NTM: variants seen among roughly 807,000 people sequenced by gnomAD.
NTM encodes the protein IgLON family member 2.
A neutral mutation model predicts 42.1 loss-of-function variants in NTM; 13 were observed. The observed-to-expected ratio is 0.31, with a 90% confidence interval of 0.20 to 0.49. The LOEUF (loss-of-function observed/expected upper bound fraction) is 0.49, where lower values mean the gene tolerates loss of function less well. NTM is among the 20% of genes least tolerant of loss of function. The probability of loss-of-function intolerance (pLI) is 0.99; values close to 1 mark genes in which losing one functional copy is unlikely to be tolerated. For synonymous variants in NTM, 187 were observed against 179.2 expected (o/e 1.04, Z -0.35); for missense variants, 373 against 452.8 (o/e 0.82, Z 1.60).
At chr11:132,310,307 A>G (rs995839518) in intron 6 of NTM, 75 bp downstream of exon 6, 31 of 1,431,674 alleles carry the variant, frequency 2.2e-5, no homozygotes, top group Non-Finnish European at 2.4e-5. Flanking sequence ...CTGATTCCAC[A>G]TTGTTGCAAA....
At chr11:132,266,707 A>G (rs970377428) in intron 4 of NTM, among the ~76,000 whole-genome samples, 2 of 152,132 alleles carry the variant, frequency 1.3e-5, no homozygotes, top group Non-Finnish European at 2.9e-5. Context: ...TGAAGTTTTG[A>G]TTTTTGTTGA....
intron 3 of NTM, among the ~76,000 whole-genome samples, chr11:132,162,221 G>A (rs998987020): frequency 5.3e-5 from 8 of 151,542 alleles, no homozygotes; most frequent in African/African-American, 1.5e-4. Flanking sequence ...GTATGTGTTT[G>A]TGTGTTTATG....
chr11:131,969,905 G>A (rs972234106), intron 2 of NTM, among the ~76,000 whole-genome samples: 2 of 152,162 alleles, frequency 1.3e-5, no homozygotes, highest in Non-Finnish European at 2.9e-5. Flanking sequence ...CAGCCTTGAC[G>A]TCCTGACTCA....
chr11:131,762,278 A>G (rs928627960), intron 1 of NTM, among the ~76,000 whole-genome samples: 2 of 152,194 alleles, frequency 1.3e-5, no homozygotes, highest in Admixed American at 6.5e-5. Context: ...AAAAGTTCCT[A>G]TGGTCCCAGG....
Position 132,325,441 on chromosome 11 carries a change from G to T in NTM, c.935-4712G>T, listed in dbSNP as rs1008189840. ...ATGCTCACCATCACTGGCCATCAGA[G>T]AAATGCAAATCAAAACCACAGTGAG... On this transcript the variant is annotated intron_variant, in intron 7 of 8. Coordinates refer to ENST00000683400, the MANE Select transcript of NTM (RefSeq NM_001352005.2). Among the ~76,000 whole-genome samples, 47 of 152,316 alleles carry T rather than the reference G, an allele frequency of 3.1e-4. 1 individual carries two copies. The highest frequency in any genetic ancestry group is 2.7e-3 in the East Asian group (14 of 5,188).
chr11:132,131,255 T>C (rs1311203594), intron 2 of NTM, among the ~76,000 whole-genome samples: 1 of 152,078 alleles, frequency 6.6e-6, no homozygotes, highest in Non-Finnish European at 1.5e-5. Context: ...GAGGTGCCAG[T>C]GTTGGGGCTG....
At chr11:131,481,102 T>C (rs1953532309) in intron 1 of NTM, among the ~76,000 whole-genome samples, 1 of 152,180 alleles carries the variant, frequency 6.6e-6, no homozygotes, top group Non-Finnish European at 1.5e-5. Context: ...GACATCGATA[T>C]AGAGAATTTG....
intron 1 of NTM, among the ~76,000 whole-genome samples, chr11:131,746,858 C>A (rs1278586474): frequency 6.6e-6 from 1 of 152,074 alleles, no homozygotes; most frequent in Non-Finnish European, 1.5e-5. Context: ...GTCAGTGATA[C>A]CGAAAAGAAT....
chr11:131,640,001 A>T (rs902695944), intron 1 of NTM, among the ~76,000 whole-genome samples: 3 of 136,530 alleles, frequency 2.2e-5, no homozygotes, highest in Admixed American at 1.4e-4. Context: ...ATAAATAAAT[A>T]AAAAAAAAGT....
At position 132,002,386 on chromosome 11, in the gene NTM, C is replaced by G. The variant is rs188520117; in HGVS notation, c.167+90738C>G. ...GAAATGGGAGTTTTCTAATAAGCAA[C>G]TGAGTTGGGAAGGTAACAGAAGGGG... On this transcript the variant is annotated intron_variant, in intron 2 of 8. Transcript: ENST00000683400. The surrounding 1 kb of genome is among the most constrained non-coding windows in gnomAD (Gnocchi z 4.5). Among the ~76,000 whole-genome samples, 787 of 152,202 alleles carry G rather than the reference C, an allele frequency of 5.2e-3. 10 individuals are homozygous for G. Among genetic ancestry groups the G allele is most frequent in the South Asian group, 7.7e-3 (37 of 4,808 alleles).
chr11:131,603,294 C>T (rs1217689953), intron 1 of NTM, among the ~76,000 whole-genome samples: 2 of 151,894 alleles, frequency 1.3e-5, no homozygotes, highest in East Asian at 3.9e-4. Flanking sequence ...TCTGCTTGGG[C>T]CAGTGCTTCT....
intron 1 of NTM, among the ~76,000 whole-genome samples, chr11:131,398,547 T>C (rs377157916): frequency 6.6e-5 from 10 of 152,224 alleles, no homozygotes; most frequent in African/African-American, 2.2e-4. Flanking sequence ...ATCGTTTTAA[T>C]TGGTTTCATT....
At chr11:132,070,810 G>T (rs2057484618) in intron 2 of NTM, among the ~76,000 whole-genome samples, 1 of 139,572 alleles carries the variant, frequency 7.2e-6, no homozygotes, top group Admixed American at 7.1e-5. Context: ...ACCGTCACAG[G>T]TTAGTTAACA....
At chr11:131,631,476 A>T (rs975879446) in intron 1 of NTM, among the ~76,000 whole-genome samples, 7 of 152,164 alleles carry the variant, frequency 4.6e-5, no homozygotes, top group Non-Finnish European at 7.4e-5. Context: ...TTATGTTAAT[A>T]AAAAAAATGA....
intron 1 of NTM, among the ~76,000 whole-genome samples, chr11:131,542,204 C>T (rs957084636): frequency 5.9e-5 from 9 of 152,162 alleles, no homozygotes; most frequent in Admixed American, 2.6e-4. Flanking sequence ...TGGAGAGACC[C>T]GGCACAGCTC....
chr11:131,647,948 T>C (rs1876229), intron 1 of NTM, among the ~76,000 whole-genome samples: 134,046 of 152,174 alleles, frequency 0.88, 59,181 homozygotes, highest in African/African-American at 0.93. Context: ...ATTATTTTGT[T>C]ACCTAGGTGA....
chr11:131,501,776 C>T (rs144743271), intron 1 of NTM, among the ~76,000 whole-genome samples: 3 of 152,148 alleles, frequency 2.0e-5, no homozygotes, highest in Non-Finnish European at 4.4e-5. Context: ...AGCAAAATCA[C>T]TGGCGATTGC....
chr11:132,069,495 GC>G (rs1264845408), intron 2 of NTM, among the ~76,000 whole-genome samples: 1 of 128,696 alleles, frequency 7.8e-6, no homozygotes, highest in East Asian at 2.0e-4. Flanking sequence ...ATGTCACACA[GC>G]CAAGTTAACA....
rs577635914 is a variant in NTM at position 132,061,710 on chromosome 11, C to G, written c.168-84572C>G. On this transcript the variant is annotated intron_variant, in intron 2 of 8. Coordinates refer to ENST00000683400, the MANE Select transcript of NTM (RefSeq NM_001352005.2). Reference sequence around the variant, plus strand: ...TCTCCTATGTTCCTGGGCATCCTTGCCAAGTGGAGATGAATGTCACAGGAG... The same window carrying G: ...TCTCCTATGTTCCTGGGCATCCTTGGCAAGTGGAGATGAATGTCACAGGAG... Among the ~76,000 whole-genome samples, 3 of 152,182 alleles carry G rather than the reference C, an allele frequency of 2.0e-5. No homozygotes were observed. The South Asian group carries it at 6.2e-4, about 32-fold the overall frequency.
Sources: allele counts gnomAD v4.1 joint callset (sites outside exome capture counted in the v4.1 genomes callset), GRCh38; gene constraint gnomAD v4.1.1; non-coding constraint Gnocchi (gnomAD v3.1); transcripts MANE v1.5; gene names NCBI Gene and HGNC (gene_info 2026-07-23, HGNC 2026-07-21).